MYO16: variants seen among roughly 807,000 people sequenced by gnomAD.
The protein encoded by MYO16 is myosin XVI.
A neutral mutation model predicts 205.3 loss-of-function variants in MYO16; 94 were observed. The ratio of observed to expected loss-of-function variants is 0.46; its 90% CI spans 0.39 to 0.54. The LOEUF (loss-of-function observed/expected upper bound fraction) is 0.54, where lower values mean the gene tolerates loss of function less well. MYO16 is among the 20% of genes least tolerant of loss of function. The pLI is 0.00. For missense variants in MYO16, 2,315 were observed against 2,387.5 expected, an observed-to-expected ratio of 0.97 and a Z score of 0.63; for synonymous variants, 988 against 954.0, an observed-to-expected ratio of 1.04 and a Z score of -0.66.
At chr13:109,026,269 G>A (rs1886357564) in intron 23 of MYO16, among the ~76,000 whole-genome samples, 1 of 152,142 alleles carries the variant, frequency 6.6e-6, no homozygotes, top group South Asian at 2.1e-4. Context: ...CTTGAGATGA[G>A]GAGATGATTC....
intron 1 of MYO16, among the ~76,000 whole-genome samples, chr13:108,619,043 G>T (rs1422048265): frequency 6.6e-6 from 1 of 151,818 alleles, no homozygotes. Flanking sequence ...CCTGTTTTTG[G>T]ATTTTATGTA....
chr13:109,077,372 G>A (rs1265722856), intron 27 of MYO16, among the ~76,000 whole-genome samples: 2 of 152,016 alleles, frequency 1.3e-5, no homozygotes, highest in South Asian at 2.1e-4. Context: ...TGAGCTGAAG[G>A]TACAGAGATT....
At chr13:108,751,832 G>C (rs1234324331) in intron 4 of MYO16, among the ~76,000 whole-genome samples, 5 of 152,060 alleles carry the variant, frequency 3.3e-5, no homozygotes, top group Non-Finnish European at 4.4e-5. Flanking sequence ...CATCACTAGG[G>C]CTCTTCAAAA....
intron 4 of MYO16, among the ~76,000 whole-genome samples, chr13:108,759,682 G>A (rs562682744): frequency 0.097 from 14,652 of 150,702 alleles, 988 homozygotes; most frequent in Non-Finnish European, 0.15. Context: ...TTAGCCAGGC[G>A]TGGGGGCAGG....
intron 16 of MYO16, among the ~76,000 whole-genome samples, chr13:108,948,156 A>G (rs190223091): frequency 6.6e-6 from 1 of 152,236 alleles, no homozygotes; most frequent in Non-Finnish European, 1.5e-5. Context: ...GTGAGGGTGC[A>G]TGGGCAAAAA....
At chr13:108,753,603 C>T (rs1258126794) in intron 4 of MYO16, among the ~76,000 whole-genome samples, 1 of 151,924 alleles carries the variant, frequency 6.6e-6, no homozygotes, top group East Asian at 1.9e-4. Context: ...TGATTTTGAC[C>T]TAGGTATTAA....
chr13:109,049,859 T>G (rs1887182376), intron 24 of MYO16, among the ~76,000 whole-genome samples: 1 of 151,910 alleles, frequency 6.6e-6, no homozygotes, highest in Non-Finnish European at 1.5e-5. Flanking sequence ...TTACCTTTCT[T>G]TTACCCTCTT....
At chr13:109,094,574 G>A (rs1036016781) in intron 27 of MYO16, among the ~76,000 whole-genome samples, 2 of 152,068 alleles carry the variant, frequency 1.3e-5, no homozygotes, top group African/African-American at 2.4e-5. Flanking sequence ...TGTACAAAAC[G>A]TACAGGTTTG....
the MYO16 span, among the ~76,000 whole-genome samples, chr13:108,518,819 C>T: frequency 9.2e-5 from 14 of 151,950 alleles, no homozygotes; most frequent in East Asian, 7.7e-4. Context: ...ACAATTTTAA[C>T]GAGTAGAAAG....
At chr13:108,743,544 T>A (rs1313372704) in intron 4 of MYO16, among the ~76,000 whole-genome samples, 1 of 152,220 alleles carries the variant, frequency 6.6e-6, no homozygotes, top group Non-Finnish European at 1.5e-5. Context: ...ATCTGCTGAG[T>A]GAGGCTCAGC....
intron 2 of MYO16, among the ~76,000 whole-genome samples, chr13:108,710,123 T>C (rs189762851): frequency 1.3e-5 from 2 of 152,320 alleles, no homozygotes; most frequent in East Asian, 3.9e-4. Flanking sequence ...GATTGCCCAC[T>C]GTAGTGATCT....
chr13:108,505,854 A>G, the MYO16 span, among the ~76,000 whole-genome samples: 3,129 of 152,252 alleles, frequency 0.021, 94 homozygotes, highest in African/African-American at 0.067. Context: ...GCATAAGGTA[A>G]AGATCAAATG....
At chr13:108,594,395 G>C (rs1193300654), upstream of MYO16, among the ~76,000 whole-genome samples, 3 of 150,956 alleles carry the variant, frequency 2.0e-5, no homozygotes, top group Non-Finnish European at 4.4e-5. Context: ...CCTGCAGGTC[G>C]CAGGTCGTGG....
At chr13:108,693,533 G>T (rs1251902042) in intron 2 of MYO16, among the ~76,000 whole-genome samples, 1 of 152,012 alleles carries the variant, frequency 6.6e-6, no homozygotes, top group African/African-American at 2.4e-5. Flanking sequence ...TATTTTTAAG[G>T]TTCATTCATG....
intron 3 of MYO16, among the ~76,000 whole-genome samples, chr13:108,713,926 C>T (rs1009920050): frequency 6.6e-6 from 1 of 152,148 alleles, no homozygotes; most frequent in Admixed American, 6.5e-5. Context: ...TTCAAGGAGC[C>T]ATGTCTCATT....
intron 27 of MYO16, among the ~76,000 whole-genome samples, chr13:109,094,515 T>C (rs556746822): frequency 6.6e-6 from 1 of 152,346 alleles, no homozygotes; most frequent in Non-Finnish European, 1.5e-5. Flanking sequence ...CCAGCCCTTA[T>C]TTACTTTTCT....
intron 4 of MYO16, among the ~76,000 whole-genome samples, chr13:108,765,043 A>T (rs1371431817): frequency 3.3e-5 from 5 of 152,206 alleles, no homozygotes; most frequent in African/African-American, 1.2e-4. Flanking sequence ...ATTTCATCAC[A>T]TAGAGATAAT....
chr13:109,076,651 A>C (rs9521157), intron 27 of MYO16, among the ~76,000 whole-genome samples: 2 of 151,604 alleles, frequency 1.3e-5, no homozygotes, highest in Non-Finnish European at 2.9e-5. Context: ...AACACTCCGC[A>C]AGAGTAGAAC....
chr13:109,036,556 A>G (rs1410995958), intron 23 of MYO16, among the ~76,000 whole-genome samples: 1 of 152,186 alleles, frequency 6.6e-6, no homozygotes, highest in East Asian at 1.9e-4. Context: ...CTCATTTGGC[A>G]TCCACACTGG....
Sources: allele counts gnomAD v4.1 joint callset (sites outside exome capture counted in the v4.1 genomes callset), GRCh38; gene constraint gnomAD v4.1.1; transcripts MANE v1.5; gene names NCBI Gene and HGNC (gene_info 2026-07-23, HGNC 2026-07-21).